DNAJC3: variants seen among roughly 807,000 people sequenced by gnomAD.
The protein encoded by DNAJC3 is DnaJ heat shock protein family (Hsp40) member C3.
A neutral mutation model predicts 68.6 loss-of-function variants in DNAJC3; 38 were observed. That is an observed-to-expected ratio of 0.55 (90% CI 0.43 to 0.73). DNAJC3 has a LOEUF of 0.73. Ranked by LOEUF, DNAJC3 falls within the 30% of genes least tolerant of loss-of-function variation. The pLI is 0.00. For missense variants in DNAJC3, 526 were observed against 591.9 expected, an observed-to-expected ratio of 0.89 and a Z score of 1.16; for synonymous variants, 203 against 204.0, an observed-to-expected ratio of 1.00 and a Z score of 0.04.
At chr13:95,750,581 C>T (rs1882445891) in intron 4 of DNAJC3, among the ~76,000 whole-genome samples, 1 of 151,458 alleles carries the variant, frequency 6.6e-6, no homozygotes, top group South Asian at 2.1e-4. Context: ...GTGATCTCTG[C>T]TTACTGCAAC....
intron 1 of DNAJC3, among the ~76,000 whole-genome samples, chr13:95,686,063 G>A (rs937966297): frequency 5.9e-5 from 9 of 151,908 alleles, no homozygotes; most frequent in South Asian, 4.2e-4. Flanking sequence ...CCAGGTTCAC[G>A]CCATTCTCCT....
chr13:95,789,609 T>C (rs1883705101), intron 11 of DNAJC3, among the ~76,000 whole-genome samples: 1 of 152,226 alleles, frequency 6.6e-6, no homozygotes. Flanking sequence ...AGAGCTGCAA[T>C]AAACTGATAT....
At chr13:95,789,969 A>G (rs1455477583) in intron 11 of DNAJC3, among the ~76,000 whole-genome samples, 4 of 151,952 alleles carry the variant, frequency 2.6e-5, no homozygotes, top group Admixed American at 2.0e-4. Flanking sequence ...CCACTTTTTA[A>G]TGGGGTTGTT....
In DNAJC3 at chr13:95,700,995, A is replaced by G. The variant is rs781226931; in HGVS notation, c.83-8232A>G. Reference sequence around the variant, plus strand: ...CATTTTTTTTAAAGCCTCATTAATCATGTGACATCTAGGCATTTAAATGTC... The same window carrying G: ...CATTTTTTTTAAAGCCTCATTAATCGTGTGACATCTAGGCATTTAAATGTC... On this transcript the variant is annotated intron_variant, in intron 1 of 11. Coordinates refer to ENST00000602402, the MANE Select transcript of DNAJC3 (RefSeq NM_006260.5). 1.1e-3 allele frequency among the ~76,000 whole-genome samples: 162 copies of G among 152,286 alleles called. 1 individual carries two copies. The highest frequency in any genetic ancestry group is 4.1e-3 in the Admixed American group (62 of 15,296).
chr13:95,690,711 A>G (rs75040350), intron 1 of DNAJC3, among the ~76,000 whole-genome samples: 123 of 81,790 alleles, frequency 1.5e-3, no homozygotes, highest in South Asian at 3.3e-3. Flanking sequence ...CTGGGCAGAG[A>G]GGCTCCTCAC....
At chr13:95,717,281 A>G (rs571846524) in intron 2 of DNAJC3, among the ~76,000 whole-genome samples, 42 of 152,300 alleles carry the variant, frequency 2.8e-4, no homozygotes, top group African/African-American at 9.6e-4. Context: ...AACAAAATCC[A>G]TTTCTAGATT....
chr13:95,704,771 A>G (rs913420684), intron 1 of DNAJC3, among the ~76,000 whole-genome samples: 9 of 151,518 alleles, frequency 5.9e-5, no homozygotes, highest in Non-Finnish European at 1.0e-4. Context: ...GGTCTCCAGC[A>G]TTGGCAGATC....
At chr13:95,689,845 C>G (rs1328859016) in intron 1 of DNAJC3, among the ~76,000 whole-genome samples, 1 of 152,082 alleles carries the variant, frequency 6.6e-6, no homozygotes, top group Non-Finnish European at 1.5e-5. Context: ...GCTTTAATTT[C>G]ATTGCTCGCC....
intron 1 of DNAJC3, among the ~76,000 whole-genome samples, chr13:95,685,339 C>T (rs1486726429): frequency 2.6e-5 from 4 of 152,156 alleles, no homozygotes; most frequent in South Asian, 2.1e-4. Flanking sequence ...GCATGGGGCC[C>T]GTAGCCTTTT....
intron 3 of DNAJC3, among the ~76,000 whole-genome samples, chr13:95,724,687 C>T (rs1480595842): frequency 6.6e-6 from 1 of 152,172 alleles, no homozygotes; most frequent in African/African-American, 2.4e-5. Flanking sequence ...CCCCTAGCTC[C>T]TGGCAACCAC....
chr13:95,738,821 AC>A (rs1417077576), intron 4 of DNAJC3, among the ~76,000 whole-genome samples: 29 of 152,016 alleles, frequency 1.9e-4, no homozygotes, highest in Admixed American at 1.4e-3. Context: ...TAGTCCATTT[AC>A]ATTTAAAGTT....
intron 4 of DNAJC3, among the ~76,000 whole-genome samples, chr13:95,739,319 G>T (rs1326913106): frequency 6.6e-6 from 1 of 150,876 alleles, no homozygotes; most frequent in Non-Finnish European, 1.5e-5. Context: ...TGCTCTTCTC[G>T]AGGAGTATCT....
intron 9 of DNAJC3, among the ~76,000 whole-genome samples, chr13:95,781,682 G>A (rs914870010): frequency 7.9e-5 from 12 of 152,128 alleles, no homozygotes. Context: ...TTTAGATTCA[G>A]AAGTTAGAAA....
intron 4 of DNAJC3, among the ~76,000 whole-genome samples, chr13:95,739,022 G>C (rs1882032166): frequency 6.6e-6 from 1 of 151,990 alleles, no homozygotes; most frequent in Non-Finnish European, 1.5e-5. Context: ...AGGCCTGGTG[G>C]TGACAGAATC....
At chr13:95,731,576 T>C (rs1881710449) in intron 4 of DNAJC3, among the ~76,000 whole-genome samples, 1 of 152,228 alleles carries the variant, frequency 6.6e-6, no homozygotes, top group South Asian at 2.1e-4. Flanking sequence ...TTGCCCTTTG[T>C]TTGTCCATGT....
chr13:95,699,961 G>C (rs879189395), intron 1 of DNAJC3, among the ~76,000 whole-genome samples: 2 of 152,126 alleles, frequency 1.3e-5, no homozygotes, highest in Admixed American at 1.3e-4. Context: ...GGGACTACAG[G>C]TGTGTGTCAC....
At chr13:95,713,701 C>T (rs923121215) in intron 2 of DNAJC3, among the ~76,000 whole-genome samples, 2 of 152,218 alleles carry the variant, frequency 1.3e-5, no homozygotes, top group African/African-American at 4.8e-5. Flanking sequence ...TTTAAGACAA[C>T]CCAAGCCAGC....
intron 4 of DNAJC3, among the ~76,000 whole-genome samples, chr13:95,734,387 G>A (rs749443185): frequency 2.9e-4 from 44 of 152,268 alleles, no homozygotes; most frequent in African/African-American, 5.1e-4. Context: ...AAATAATCCC[G>A]ATAGTCCAAT....
intron 4 of DNAJC3, among the ~76,000 whole-genome samples, chr13:95,746,880 G>T (rs2139663494): frequency 6.6e-6 from 1 of 152,304 alleles, no homozygotes; most frequent in African/African-American, 2.4e-5. Flanking sequence ...CTCAGCTGGG[G>T]TGAGGGTTGC....
Sources: gnomAD v4.1 joint callset for allele counts (sites outside exome capture counted in the v4.1 genomes callset) on GRCh38, gnomAD v4.1.1 for gene constraint, MANE v1.5 for transcripts, NCBI Gene and HGNC (gene_info 2026-07-23, HGNC 2026-07-21) for gene names.